LPP: variants seen among roughly 807,000 people sequenced by gnomAD.
LPP encodes LIM domain containing preferred translocation partner in lipoma.
A neutral mutation model predicts 60.4 loss-of-function variants in LPP; 38 were observed. The ratio of observed to expected loss-of-function variants is 0.63; its 90% CI spans 0.49 to 0.83. LPP has a LOEUF of 0.83. LPP is among the 40% of genes least tolerant of loss of function. The pLI is 0.00. For missense variants in LPP, 902 were observed against 783.6 expected (o/e 1.15, Z -1.80); for synonymous variants, 328 against 290.8 (o/e 1.13, Z -1.30).
intron 9 of LPP, among the ~76,000 whole-genome samples, chr3:188,798,756 A>T (rs6809183): frequency 6.6e-6 from 1 of 152,060 alleles, no homozygotes; most frequent in African/African-American, 2.4e-5. Flanking sequence ...TCATAACAAC[A>T]TGGGAAGCCC....
Position 188,866,259 on chromosome 3 carries a change from C to T in LPP, c.1470C>T (p.Ala490=). The T allele has an allele frequency of 6.3e-7, 1 of 1,585,502 alleles. No homozygotes were observed. Among genetic ancestry groups the T allele is most frequent in the Non-Finnish European group, 8.6e-7 (1 of 1,164,696 alleles). The change falls in exon 10 of 12, where the codon GCC becomes GCT. Residue 490 remains alanine, a synonymous_variant. Coordinates refer to ENST00000617246, the MANE Select transcript of LPP (RefSeq NM_001375462.1). The part of the protein sequence containing the change: ...SKPIMERILR[A]TGKAYHPHCF... ...CCATCATGGAGCGGATTCTCCGAGCCACCGGGAAGGCCTATCATCCTCACT... is the reference window on the plus strand; with the variant it reads ...CCATCATGGAGCGGATTCTCCGAGCTACCGGGAAGGCCTATCATCCTCACT...
chr3:188,172,942 ACTGCAGCTTTGAC>A, intron 1 of LPP, among the ~76,000 whole-genome samples: 1 of 152,228 alleles, frequency 6.6e-6, no homozygotes, highest in South Asian at 2.1e-4. Flanking sequence ...ATCATAGCTC[ACTGCAGCTTTGAC>A]CTTCTGGGTT....
intron 9 of LPP, among the ~76,000 whole-genome samples, 198 bp from the exon 10 acceptor site, chr3:188,866,002 G>A (rs1464932381): frequency 1.3e-5 from 2 of 152,158 alleles, no homozygotes. Context: ...CAGTTTGTTA[G>A]TTAATTGGCC....
intron 2 of LPP, among the ~76,000 whole-genome samples, chr3:188,305,825 T>C (rs1412016100): frequency 6.6e-6 from 1 of 152,158 alleles, no homozygotes; most frequent in East Asian, 1.9e-4. Context: ...GAGAGAGACA[T>C]ATACTATTGT....
chr3:188,495,470 A>T (rs980356610), intron 5 of LPP, among the ~76,000 whole-genome samples: 1 of 152,062 alleles, frequency 6.6e-6, no homozygotes, highest in Non-Finnish European at 1.5e-5. Context: ...GAAAGCAGTT[A>T]CTTATTTTTA....
At chr3:188,719,836 G>T (rs1715595956) in intron 8 of LPP, among the ~76,000 whole-genome samples, 6 of 152,216 alleles carry the variant, frequency 3.9e-5, no homozygotes, top group Non-Finnish European at 1.5e-5. Context: ...ATTGTCAGAA[G>T]GCATAATTAA....
At chr3:188,184,685 C>CT (rs34173936) in intron 1 of LPP, among the ~76,000 whole-genome samples, 3,199 of 124,674 alleles carry the variant, frequency 0.026, 56 homozygotes, top group African/African-American at 0.046. Context: ...CTCCGGTAAA[C>CT]TTTTTTTTTT....
chr3:188,391,073 G>T (rs1362013162), intron 3 of LPP, among the ~76,000 whole-genome samples: 1 of 152,166 alleles, frequency 6.6e-6, no homozygotes, highest in Non-Finnish European at 1.5e-5. Flanking sequence ...AGTCTTGTTA[G>T]GACTTAAATC....
chr3:188,532,975 A>C (rs1822590539), intron 6 of LPP, among the ~76,000 whole-genome samples: 1 of 152,230 alleles, frequency 6.6e-6, no homozygotes, highest in African/African-American at 2.4e-5. Context: ...TTGGAAACTG[A>C]GTACTGAAAT....
At position 188,609,345 on chromosome 3, in the gene LPP, C is replaced by T; in HGVS notation, c.614C>T (p.Pro205Leu). Residue 205 changes from proline to leucine, a missense_variant, in exon 7 of 12, where the codon CCA becomes CTA. Coordinates refer to ENST00000617246, the MANE Select transcript of LPP (RefSeq NM_001375462.1). The surrounding 1 kb of genome is among the most constrained non-coding windows in gnomAD (Gnocchi z 6.9). ...GGAACACTCAAACCCCAGCCTCAGC[C>T]AGTCCCAGCCTCCTACACCACGGCC... is the stretch of plus-strand genomic sequence containing the variant. ...PIGTLKPQPQ[P>L]VPASYTTAST... 1 of 1,614,178 alleles carries T rather than the reference C, an allele frequency of 6.2e-7. No homozygotes were observed. Among genetic ancestry groups the T allele is most frequent in the East Asian group, 2.2e-5 (1 of 44,876 alleles).
At chr3:188,526,220 A>G (rs961047940) in intron 6 of LPP, among the ~76,000 whole-genome samples, 1 of 152,172 alleles carries the variant, frequency 6.6e-6, no homozygotes, top group Non-Finnish European at 1.5e-5. Context: ...TTAAATTAAG[A>G]ACCAGTCTTG....
At chr3:188,857,225 C>T (rs1466624405) in intron 9 of LPP, among the ~76,000 whole-genome samples, 2 of 152,184 alleles carry the variant, frequency 1.3e-5, no homozygotes, top group Non-Finnish European at 2.9e-5. Context: ...TTTTCAAGCT[C>T]AACCAAACTA....
chr3:188,676,977 A>T (rs762418338), intron 7 of LPP, among the ~76,000 whole-genome samples: 5 of 152,050 alleles, frequency 3.3e-5, no homozygotes, highest in African/African-American at 4.8e-5. Flanking sequence ...GGAGAGGTCC[A>T]TGTGGTAAAG....
intron 2 of LPP, among the ~76,000 whole-genome samples, chr3:188,245,877 A>C (rs761422343): frequency 2.0e-5 from 3 of 152,126 alleles, no homozygotes; most frequent in African/African-American, 7.2e-5. Flanking sequence ...ATAATGATGA[A>C]TATATTGTAC....
At chr3:188,162,249 T>A (rs1311571463) in intron 1 of LPP, among the ~76,000 whole-genome samples, 1 of 152,228 alleles carries the variant, frequency 6.6e-6, no homozygotes, top group Non-Finnish European at 1.5e-5. Flanking sequence ...AGATCAGTCT[T>A]ATCTTGCAGA....
intron 1 of LPP, among the ~76,000 whole-genome samples, chr3:188,170,719 C>T (rs1003999829): frequency 6.6e-6 from 1 of 152,170 alleles, no homozygotes; most frequent in African/African-American, 2.4e-5. Flanking sequence ...TCCAACTTAC[C>T]TTCCCCCCAG....
At chr3:188,714,367 A>G (rs908595999) in intron 8 of LPP, among the ~76,000 whole-genome samples, 13 of 152,170 alleles carry the variant, frequency 8.5e-5, no homozygotes, top group Admixed American at 3.3e-4. Flanking sequence ...ATATGTTTCA[A>G]CTATCTTAAA....
At chr3:188,765,469 T>C (rs184424567) in intron 9 of LPP, among the ~76,000 whole-genome samples, 43 of 152,318 alleles carry the variant, frequency 2.8e-4, no homozygotes, top group Admixed American at 9.2e-4. Context: ...GGAATAGTTA[T>C]CTCTTCCATT....
chr3:188,190,030 G>A (rs552748626), intron 1 of LPP, among the ~76,000 whole-genome samples: 1 of 151,510 alleles, frequency 6.6e-6, no homozygotes, highest in Non-Finnish European at 1.5e-5. Flanking sequence ...ACACTGTAAC[G>A]TAGGTGGTAG....
Sources: allele counts gnomAD v4.1 joint callset (sites outside exome capture counted in the v4.1 genomes callset), GRCh38; gene constraint gnomAD v4.1.1; non-coding constraint Gnocchi (gnomAD v3.1); transcripts MANE v1.5; gene names NCBI Gene and HGNC (gene_info 2026-07-23, HGNC 2026-07-21).